RPAP2: variants seen among roughly 807,000 people sequenced by gnomAD.
RPAP2 encodes the protein RNA polymerase II associated protein 2.
A neutral mutation model predicts 73.1 loss-of-function variants in RPAP2; 52 were observed. The observed-to-expected ratio is 0.71, with a 90% CI of 0.57 to 0.90. The LOEUF (loss-of-function observed/expected upper bound fraction) is 0.90. Ranked by LOEUF, RPAP2 falls within the 40% of genes least tolerant of loss-of-function variation. The pLI is 0.00. For synonymous variants in RPAP2, 225 were observed against 242.1 expected (o/e 0.93, Z 0.65); for missense variants, 598 against 701.8 (o/e 0.85, Z 1.67).
chr1:92,315,608 C>G (rs1651859537), intron 6 of RPAP2, among the ~76,000 whole-genome samples: 1 of 152,170 alleles, frequency 6.6e-6, no homozygotes, highest in Non-Finnish European at 1.5e-5. Flanking sequence ...AACAATATCC[C>G]TTAGAATTTA....
intron 11 of RPAP2, among the ~76,000 whole-genome samples, chr1:92,360,178 A>G (rs765073194): frequency 6.6e-6 from 1 of 152,202 alleles, no homozygotes; most frequent in Non-Finnish European, 1.5e-5. Flanking sequence ...AAAGAGTCCA[A>G]AGTAAGTTTA....
At chr1:92,339,161 A>C (rs994234734) in intron 10 of RPAP2, among the ~76,000 whole-genome samples, 1 of 152,086 alleles carries the variant, frequency 6.6e-6, no homozygotes, top group African/African-American at 2.4e-5. Context: ...TTTTTTAAAA[A>C]ACTATTCTGA....
chr1:92,359,028 T>C (rs577219623), intron 11 of RPAP2, among the ~76,000 whole-genome samples: 2 of 152,350 alleles, frequency 1.3e-5, no homozygotes, highest in East Asian at 3.9e-4. Context: ...TGCTTCTCAT[T>C]AATCCTTTGC....
intron 7 of RPAP2, 63 bp from the exon 8 acceptor site, chr1:92,323,379 TCTA>T (rs1652425185): frequency 8.4e-7 from 1 of 1,190,140 alleles, no homozygotes; most frequent in South Asian, 1.6e-5. Context: ...ACTTTACTTT[TCTA>T]TTGTTTTCGG....
At chr1:92,364,543 A>G (rs756275483) in intron 11 of RPAP2, among the ~76,000 whole-genome samples, 5 of 152,128 alleles carry the variant, frequency 3.3e-5, no homozygotes, top group Non-Finnish European at 7.4e-5. Flanking sequence ...ATATCTCCCA[A>G]GCATTTCAAA....
chr1:92,349,001 G>A (rs767714983), intron 11 of RPAP2, among the ~76,000 whole-genome samples: 4 of 152,190 alleles, frequency 2.6e-5, no homozygotes, highest in Non-Finnish European at 4.4e-5. Flanking sequence ...ACATGCACAC[G>A]TTATTTGTGG....
chr1:92,369,426 C>G (rs1290536244), intron 11 of RPAP2, among the ~76,000 whole-genome samples: 2 of 152,178 alleles, frequency 1.3e-5, no homozygotes, highest in Non-Finnish European at 2.9e-5. Flanking sequence ...CCTCCCACCT[C>G]AGCCTCTTGT....
intron 11 of RPAP2, among the ~76,000 whole-genome samples, chr1:92,365,013 G>C (rs1213169078): frequency 6.6e-6 from 1 of 152,140 alleles, no homozygotes; most frequent in Non-Finnish European, 1.5e-5. Context: ...TCCACTGACT[G>C]TTTCCCCCAC....
At position 92,380,729 on chromosome 1, in the gene RPAP2, C is replaced by A. The variant is rs758463216; in HGVS notation, c.1694C>A (p.Thr565Asn). The A allele has an allele frequency of 1.3e-6, 2 of 1,583,676 alleles. No individual in the cohort carries two copies. Among genetic ancestry groups the A allele is most frequent in the Non-Finnish European group, 1.7e-6 (2 of 1,170,154 alleles). Reference protein sequence around the residue: ...LIAMVLLSLLTPILGIQKHSQ... With the variant: ...LIAMVLLSLLNPILGIQKHSQ... ...AGTATTTTTGGTTGTTTCAGACTGACCCCAATTCTTGGCATTCAGAAACAT... is the reference window on the plus strand; with the variant it reads ...AGTATTTTTGGTTGTTTCAGACTGAACCCAATTCTTGGCATTCAGAAACAT... Residue 565 changes from threonine to asparagine, a missense_variant, in exon 12 of 13, where the codon ACC becomes AAC. By Grantham distance (65) the Thr-to-Asn change is moderately conservative. Coordinates refer to ENST00000610020, the MANE Select transcript of RPAP2 (RefSeq NM_024813.3).
In RPAP2 at chr1:92,313,476, G is replaced by C. The variant is rs1557594362; in HGVS notation, c.488+6200G>C. ...TTTTTTTGAGCAGTAGGTTTCAACA[G>C]TTGGCTTAAAATATTCAGTAAGCCA... On this transcript the variant is annotated intron_variant, in intron 6 of 12. Coordinates refer to ENST00000610020, the MANE Select transcript of RPAP2 (RefSeq NM_024813.3). 4.1e-5 allele frequency among the ~76,000 whole-genome samples: 6 copies of C among 147,956 alleles called. No homozygotes were observed. In the South Asian group the frequency reaches 1.1e-3, roughly 26 times the overall value.
intron 8 of RPAP2, among the ~76,000 whole-genome samples, chr1:92,330,657 G>C (rs1652912496): frequency 6.6e-6 from 1 of 151,896 alleles, no homozygotes; most frequent in South Asian, 2.1e-4. Flanking sequence ...ATGTTGGCCA[G>C]GCCAGGTTGG....
At chr1:92,308,189 A>G (rs183531103) in intron 6 of RPAP2, among the ~76,000 whole-genome samples, 1 of 152,106 alleles carries the variant, frequency 6.6e-6, no homozygotes. Flanking sequence ...GATGGCAGAC[A>G]CCTCTGCCTG....
chr1:92,377,424 A>T (rs917131232), intron 11 of RPAP2, among the ~76,000 whole-genome samples: 2 of 150,174 alleles, frequency 1.3e-5, no homozygotes, highest in African/African-American at 4.9e-5. Context: ...AGGCTGAGGC[A>T]GGATAATCGC....
Position 92,389,408 on chromosome 1 carries a change from A to G in RPAP2, c.*2397A>G, listed in dbSNP as rs1353074698. The G allele has an allele frequency of 6.6e-6, 1 of 152,208 alleles. No individual in the cohort carries two copies. Among genetic ancestry groups the G allele is most frequent in the Non-Finnish European group, 1.5e-5 (1 of 68,052 alleles). The allele number at this position is 152,208 out of a possible 1,614,324, so 9.4% of individuals were successfully genotyped here. On this transcript the variant is annotated 3_prime_UTR_variant, in exon 13 of 13. Transcript: ENST00000610020. ...CATAGGACACCAACATCAGAGACCA[A>G]AGGTAGGTAAAACCACAAAGATGGG... is the stretch of plus-strand genomic sequence containing the variant.
intron 8 of RPAP2, among the ~76,000 whole-genome samples, chr1:92,329,797 A>G (rs1652853939): frequency 6.6e-6 from 1 of 152,188 alleles, no homozygotes; most frequent in South Asian, 2.1e-4. Flanking sequence ...GGTCCTCCTA[A>G]TATTTGCCTT....
intron 6 of RPAP2, among the ~76,000 whole-genome samples, chr1:92,308,965 TTAAA>T (rs1426350074): frequency 1.3e-5 from 2 of 151,858 alleles, no homozygotes; most frequent in African/African-American, 4.8e-5. Context: ...GTCTCAAAAA[TTAAA>T]TAAATAAATA....
rs527588054 is a variant in RPAP2, at chr1:92,324,328, C to T, written c.1408C>T (p.Arg470Trp). ...NLRIREFYRG[R>W]YVLGEETTKS... ...GAGGATCAGGGAGTTTTACAGAGGA[C>T]GGTATGTTTTGGGTGAAGAAACCAC... Residue 470 changes from arginine to tryptophan, a missense_variant, in exon 8 of 13, where the codon CGG becomes TGG. Coordinates refer to ENST00000610020, the MANE Select transcript of RPAP2 (RefSeq NM_024813.3). The T allele has an allele frequency of 1.4e-4, 221 of 1,613,892 alleles. No individual in the cohort carries two copies. The highest frequency in any genetic ancestry group is 2.4e-4 in the African/African-American group (18 of 74,990).
chr1:92,334,524 G>A (rs1653158054), intron 9 of RPAP2, among the ~76,000 whole-genome samples: 1 of 152,098 alleles, frequency 6.6e-6, no homozygotes, highest in African/African-American at 2.4e-5. Context: ...CATGACGACA[G>A]GGATTTACTT....
At chr1:92,342,188 G>T (rs1404103156) in intron 10 of RPAP2, among the ~76,000 whole-genome samples, 3 of 152,162 alleles carry the variant, frequency 2.0e-5, no homozygotes, top group African/African-American at 7.2e-5. Flanking sequence ...TTTTTAATAG[G>T]CTGGTTAAGG....
Sources: allele counts gnomAD v4.1 joint callset (sites outside exome capture counted in the v4.1 genomes callset), GRCh38; gene constraint gnomAD v4.1.1; transcripts MANE v1.5; gene names NCBI Gene and HGNC (gene_info 2026-07-23, HGNC 2026-07-21).